Variants in PTPRJ observed in about 807,000 individuals in gnomAD.
PTPRJ encodes protein tyrosine phosphatase receptor type J.
In PTPRJ, 129 loss-of-function variants were observed where a neutral mutation model predicts 141.3. That is an observed-to-expected ratio of 0.91 (90% CI 0.79 to 1.06). The LOEUF (loss-of-function observed/expected upper bound fraction) is 1.06. Ranked by LOEUF, PTPRJ falls within the 50% of genes least tolerant of loss-of-function variation. The pLI is 0.00. For missense variants in PTPRJ, 1,601 were observed against 1,679.7 expected (o/e 0.95, Z 0.82); for synonymous variants, 610 against 640.5 (o/e 0.95, Z 0.72).
chr11:48,079,439 T>TGTGA (rs1024528891), intron 1 of PTPRJ, among the ~76,000 whole-genome samples: 1 of 152,064 alleles, frequency 6.6e-6, no homozygotes, highest in African/African-American at 2.4e-5. Context: ...TGTTTGTGTG[T>TGTGA]GTGAGTGATG....
chr11:48,021,320 GC>G (rs1200366552), intron 1 of PTPRJ, among the ~76,000 whole-genome samples: 13 of 151,704 alleles, frequency 8.6e-5, no homozygotes, highest in African/African-American at 3.1e-4. Flanking sequence ...GTTGCAGTGA[GC>G]CAAGATCACG....
intron 1 of PTPRJ, among the ~76,000 whole-genome samples, chr11:48,082,703 T>A (rs1340629684): frequency 2.0e-5 from 3 of 151,930 alleles, no homozygotes; most frequent in Non-Finnish European, 4.4e-5. Context: ...TGTGTGCCAC[T>A]GTGCCTGGCC....
intron 1 of PTPRJ, among the ~76,000 whole-genome samples, chr11:48,022,012 T>C (rs1036076047): frequency 2.6e-5 from 4 of 152,158 alleles, no homozygotes; most frequent in African/African-American, 9.7e-5. Flanking sequence ...GTGACCTTGG[T>C]CAAGTTACTT....
chr11:48,022,030 G>A (rs1244826743), intron 1 of PTPRJ, among the ~76,000 whole-genome samples: 1 of 152,084 alleles, frequency 6.6e-6, no homozygotes, highest in African/African-American at 2.4e-5. Context: ...CTTAATCTCC[G>A]TGCCTCAATT....
chr11:48,042,462 G>A (rs948495913), intron 1 of PTPRJ, among the ~76,000 whole-genome samples: 1 of 152,124 alleles, frequency 6.6e-6, no homozygotes, highest in Non-Finnish European at 1.5e-5. Context: ...GGGAAAGCAT[G>A]TCTTGTATTT....
rs1055961523 is a variant in PTPRJ, at chr11:48,137,024, T to C, written c.1895T>C (p.Ile632Thr). Residue 632 changes from isoleucine to threonine, a missense_variant, in exon 10 of 25, where the codon ATT becomes ACT. Physicochemically the swap from Ile to Thr is moderately conservative, Grantham distance 89. Transcript: ENST00000418331. ...QYTRPSNVSN[I>T]DVSTNTTAAT... Reference sequence around the variant, plus strand: ...CAAGGGCCCAGCAATGTGTCCAACATTGATGTAAGTACCAACACCACAGCA... The same window carrying C: ...CAAGGGCCCAGCAATGTGTCCAACACTGATGTAAGTACCAACACCACAGCA... 28 of 1,605,284 alleles carry C rather than the reference T, an allele frequency of 1.7e-5. No individual in the cohort carries two copies. Among genetic ancestry groups the C allele is most frequent in the Non-Finnish European group, 2.3e-5 (27 of 1,171,974 alleles).
chr11:48,060,127 T>A (rs1458347822), intron 1 of PTPRJ, among the ~76,000 whole-genome samples: 1 of 152,114 alleles, frequency 6.6e-6, no homozygotes, highest in East Asian at 1.9e-4. Flanking sequence ...CTTTCGAAAG[T>A]GAAGATATGC....
chr11:48,070,000 A>G (rs1855201345), intron 1 of PTPRJ, among the ~76,000 whole-genome samples: 1 of 152,218 alleles, frequency 6.6e-6, no homozygotes, highest in African/African-American at 2.4e-5. Context: ...GATCATCCCA[A>G]AATATAATGA....
intron 1 of PTPRJ, among the ~76,000 whole-genome samples, chr11:48,094,812 C>T (rs963644510): frequency 6.6e-6 from 1 of 152,166 alleles, no homozygotes; most frequent in African/African-American, 2.4e-5. Flanking sequence ...GGGTCAACTT[C>T]AGGGTAGCAA....
chr11:48,023,513 G>A (rs528935072), intron 1 of PTPRJ, among the ~76,000 whole-genome samples: 1 of 152,162 alleles, frequency 6.6e-6, no homozygotes, highest in Non-Finnish European at 1.5e-5. Context: ...GCCGGGTGCG[G>A]TGGCTCATGC....
intron 1 of PTPRJ, among the ~76,000 whole-genome samples, chr11:48,049,565 C>CAAAACAAAACAAAACAAAA (rs746217685): frequency 8.0e-5 from 12 of 150,814 alleles, no homozygotes; most frequent in African/African-American, 3.0e-4. Context: ...CAAAACAAAA[C>CAAAACAAAACAAAACAAAA]AAGTCGGGTG....
In PTPRJ at chr11:48,167,318, G is replaced by A. The variant is rs1400116274; in HGVS notation, c.3970G>A (p.Ala1324Thr). ...TGCAATGACAATCTATGAAAACCTT[G>A]CGCCCGTGACCACATTTGGAAAGAC... ...TTAMTIYENL[A>T]PVTTFGKTNG... Residue 1324 changes from alanine to threonine, a missense_variant, in exon 25 of 25, where the codon GCG (alanine) becomes ACG (threonine). By Grantham distance (58) the Ala-to-Thr change is moderately conservative. Coordinates refer to ENST00000418331, the MANE Select transcript of PTPRJ (RefSeq NM_002843.4). The A allele has an allele frequency of 3.7e-6, 6 of 1,613,964 alleles. No individual in the cohort carries two copies. Among genetic ancestry groups the A allele is most frequent in the Non-Finnish European group, 4.2e-6 (5 of 1,179,994 alleles).
chr11:48,035,284 C>T (rs1024043447), intron 1 of PTPRJ, among the ~76,000 whole-genome samples: 4 of 152,224 alleles, frequency 2.6e-5, no homozygotes, highest in Admixed American at 2.0e-4. Context: ...CTGAGCCCCT[C>T]CATGTCCCTT....
At chr11:48,000,818 T>C (rs1468992143) in intron 1 of PTPRJ, among the ~76,000 whole-genome samples, 7 of 151,960 alleles carry the variant, frequency 4.6e-5, no homozygotes, top group African/African-American at 1.5e-4. Context: ...GGATTATGAG[T>C]TCAGGGGAGT....
intron 1 of PTPRJ, among the ~76,000 whole-genome samples, chr11:47,982,160 C>T (rs911516490): frequency 2.6e-5 from 4 of 152,194 alleles, no homozygotes; most frequent in African/African-American, 9.7e-5. Context: ...GCGTGACCCT[C>T]GGCACCCAAG....
At chr11:48,069,315 G>T (rs912564138) in intron 1 of PTPRJ, among the ~76,000 whole-genome samples, 6 of 151,470 alleles carry the variant, frequency 4.0e-5, no homozygotes, top group African/African-American at 1.5e-4. Context: ...GGCCAGACTG[G>T]TCTTGAACTC....
chr11:48,037,140 T>C (rs1053638755), intron 1 of PTPRJ, among the ~76,000 whole-genome samples: 4 of 152,224 alleles, frequency 2.6e-5, no homozygotes, highest in Admixed American at 6.5e-5. Flanking sequence ...TTCAGAACTT[T>C]TGTAGAGTGC....
chr11:47,982,440 C>T (rs1335551141), intron 1 of PTPRJ, among the ~76,000 whole-genome samples: 1 of 152,188 alleles, frequency 6.6e-6, no homozygotes, highest in African/African-American at 2.4e-5. Flanking sequence ...AGGGTTTCCA[C>T]ATGGGATTCT....
At chr11:48,156,538 T>G (rs1329252280) in intron 21 of PTPRJ, among the ~76,000 whole-genome samples, 5 of 150,806 alleles carry the variant, frequency 3.3e-5, no homozygotes, top group African/African-American at 1.2e-4. Context: ...TTTTCAAATT[T>G]AGGTTGAGCA....
Sources: gnomAD v4.1 joint callset for allele counts (sites outside exome capture counted in the v4.1 genomes callset) on GRCh38, gnomAD v4.1.1 for gene constraint, MANE v1.5 for transcripts, NCBI Gene and HGNC (gene_info 2026-07-23, HGNC 2026-07-21) for gene names.